Variants in FBXO4 observed in about 807,000 individuals in gnomAD.
FBXO4 encodes F-box only protein 4.
In FBXO4, 36 loss-of-function variants were observed where a neutral mutation model predicts 43.7. The observed-to-expected ratio is 0.82, with a 90% CI of 0.63 to 1.09. FBXO4 has a LOEUF of 1.09. FBXO4 is among the 50% of genes least tolerant of loss of function. FBXO4 has a pLI of 0.00. For synonymous variants in FBXO4, 180 were observed against 165.6 expected (o/e 1.09, Z -0.67); for missense variants, 435 against 474.1 (o/e 0.92, Z 0.77).
At chr5:41,989,022 G>A in the FBXO4 span, among the ~76,000 whole-genome samples, 71 of 151,972 alleles carry the variant, frequency 4.7e-4, no homozygotes, top group Non-Finnish European at 2.2e-4. Context: ...AATGTAAGTC[G>A]AACAAATTTT....
At chr5:42,001,872 G>C in the FBXO4 span, among the ~76,000 whole-genome samples, 2 of 151,880 alleles carry the variant, frequency 1.3e-5, no homozygotes, top group Non-Finnish European at 2.9e-5. Flanking sequence ...TGTATTTTTA[G>C]TAGAGGTGAA....
At chr5:41,980,506 A>C in the FBXO4 span, among the ~76,000 whole-genome samples, 3 of 152,164 alleles carry the variant, frequency 2.0e-5, no homozygotes, top group African/African-American at 7.2e-5. Flanking sequence ...TTGGAACATA[A>C]AACACATCCT....
At position 41,927,207 on chromosome 5, in the gene FBXO4, A is replaced by G. The variant is rs1257968571; in HGVS notation, c.384A>G (p.Ile128Met). 9 of 1,611,840 alleles carry G rather than the reference A, an allele frequency of 5.6e-6. No homozygotes were observed. Among genetic ancestry groups the G allele is most frequent in the East Asian group, 4.5e-5 (2 of 44,818 alleles). The change falls in exon 2 of 7, where the codon ATA (isoleucine) becomes ATG (methionine). Residue 128 changes from isoleucine to methionine, a missense_variant. Ile to Met is a conservative substitution (Grantham distance 10). Coordinates refer to ENST00000281623, the MANE Select transcript of FBXO4 (RefSeq NM_012176.3). ...ATCTAGAAATCTTAAAAAAGCCTAT[A>G]TCTGAGGTCACTGATGGTGCATTTT... ...LPDLEILKKP[I>M]SEVTDGAFFD...
chr5:41,995,355 G>T, the FBXO4 span, among the ~76,000 whole-genome samples: 1 of 152,190 alleles, frequency 6.6e-6, no homozygotes, highest in Non-Finnish European at 1.5e-5. Flanking sequence ...TGATGGAAGA[G>T]GTCCAATATA....
chr5:41,978,090 T>C, the FBXO4 span, among the ~76,000 whole-genome samples: 1 of 152,162 alleles, frequency 6.6e-6, no homozygotes, highest in Non-Finnish European at 1.5e-5. Flanking sequence ...GGAAGCTTAC[T>C]ATCATGGCCT....
intron 3 of FBXO4, among the ~76,000 whole-genome samples, chr5:41,932,210 G>T (rs1751706003): frequency 6.6e-6 from 1 of 152,212 alleles, no homozygotes; most frequent in Non-Finnish European, 1.5e-5. Flanking sequence ...CAAGACGAGA[G>T]AATATGGGGT....
the FBXO4 span, among the ~76,000 whole-genome samples, chr5:42,038,254 C>T: frequency 6.6e-6 from 1 of 151,994 alleles, no homozygotes; most frequent in Non-Finnish European, 1.5e-5. Context: ...AAGACGACAC[C>T]TTTTAATTAA....
At chr5:41,999,536 CATAT>C in the FBXO4 span, among the ~76,000 whole-genome samples, 1 of 79,882 alleles carries the variant, frequency 1.3e-5, no homozygotes, top group African/African-American at 7.2e-5. Context: ...TATATATATA[CATAT>C]ATATGTATAT....
chr5:41,990,641 C>T, the FBXO4 span, among the ~76,000 whole-genome samples: 2 of 152,142 alleles, frequency 1.3e-5, no homozygotes, highest in Non-Finnish European at 2.9e-5. Context: ...TAGTTATTAT[C>T]ATTTTGGACA....
chr5:42,002,482 A>G, the FBXO4 span, among the ~76,000 whole-genome samples: 1 of 152,200 alleles, frequency 6.6e-6, no homozygotes, highest in Non-Finnish European at 1.5e-5. Context: ...TTTGAAATTA[A>G]GACATTTCCT....
intron 5 of FBXO4, chr5:41,934,518 T>G: frequency 7.2e-7 from 1 of 1,383,046 alleles, no homozygotes; most frequent in Non-Finnish European, 9.4e-7. Context: ...ACAAGCTGAT[T>G]CCTACCCTGG....
the FBXO4 span, among the ~76,000 whole-genome samples, chr5:41,990,334 C>T: frequency 3.3e-5 from 5 of 152,308 alleles, no homozygotes; most frequent in South Asian, 8.3e-4. Flanking sequence ...ATCTATCAGA[C>T]ATTCAGCCTA....
the FBXO4 span, among the ~76,000 whole-genome samples, chr5:42,019,052 G>A: frequency 6.6e-6 from 1 of 152,066 alleles, no homozygotes; most frequent in African/African-American, 2.4e-5. Flanking sequence ...AATGAGATTA[G>A]TTTAACTGAA....
chr5:41,957,057 G>C, the FBXO4 span, among the ~76,000 whole-genome samples: 4 of 151,780 alleles, frequency 2.6e-5, no homozygotes, highest in Non-Finnish European at 5.9e-5. Flanking sequence ...CTATATTGTA[G>C]GGCTCTCACC....
the FBXO4 span, among the ~76,000 whole-genome samples, chr5:41,973,519 A>T: frequency 3.9e-5 from 6 of 152,210 alleles, no homozygotes; most frequent in African/African-American, 1.4e-4. Flanking sequence ...TCTACAAAAA[A>T]TAATAAAAAA....
At chr5:41,965,707 A>C in the FBXO4 span, among the ~76,000 whole-genome samples, 5 of 152,222 alleles carry the variant, frequency 3.3e-5, no homozygotes, top group African/African-American at 1.2e-4. Flanking sequence ...GAGCAATTTT[A>C]CACTGTTGGT....
chr5:41,973,560 G>A, the FBXO4 span, among the ~76,000 whole-genome samples: 1 of 152,112 alleles, frequency 6.6e-6, no homozygotes, highest in Non-Finnish European at 1.5e-5. Flanking sequence ...GCATGTCTGA[G>A]GTCCCAGCTA....
chr5:41,941,103 CT>C lies in FBXO4; in HGVS notation c.1075-84del, dbSNP rs888820283. 7 of 975,952 alleles carry C rather than the reference CT, an allele frequency of 7.2e-6. No homozygotes were observed. The African/African-American group carries it at 1.1e-4, about 16-fold the overall frequency. 60.5% of individuals were successfully genotyped at this position (975,952 alleles called of 1,614,324 possible). A position where few individuals can be genotyped will look rare whatever the true frequency, so the allele number is the denominator to read the frequency against. Reference sequence around the variant, plus strand: ...TTGGGATTTTTAAAAGTTCTGTTATCTTTTTAGTGTCTAGAAAAATGTCCCT... The same window carrying C: ...TTGGGATTTTTAAAAGTTCTGTTATCTTTTAGTGTCTAGAAAAATGTCCCT... On this transcript the variant is annotated intron_variant, in intron 6 of 6. Transcript: ENST00000281623.
chr5:42,021,488 G>T, the FBXO4 span, among the ~76,000 whole-genome samples: 7 of 152,096 alleles, frequency 4.6e-5, no homozygotes, highest in African/African-American at 1.7e-4. Context: ...CTACAATTCT[G>T]TTTTAGGGGT....
Sources: allele counts gnomAD v4.1 joint callset (sites outside exome capture counted in the v4.1 genomes callset), GRCh38; gene constraint gnomAD v4.1.1; transcripts MANE v1.5; gene names NCBI Gene and HGNC (gene_info 2026-07-23, HGNC 2026-07-21).